CYBB: variants seen among roughly 807,000 people sequenced by gnomAD.
CYBB encodes the protein cytochrome b-245 beta chain.
A neutral mutation model predicts 46.5 loss-of-function variants in CYBB; 5 were observed. The observed-to-expected ratio is 0.11, with a 90% confidence interval of 0.06 to 0.23. The LOEUF is 0.23. Ranked by LOEUF, CYBB falls within the 10% of genes least tolerant of loss-of-function variation. CYBB has a pLI of 1.00. For missense variants in CYBB, 307 were observed against 428.3 expected (o/e 0.72, Z 2.50); for synonymous variants, 183 against 156.7 (o/e 1.17, Z -1.26).
intron 1 of CYBB, 25 bp downstream of exon 1, chrX:37,780,147 A>T: frequency 2.6e-6 from 3 of 1,166,028 alleles, no homozygotes; most frequent in Non-Finnish European, 3.5e-6. Flanking sequence ...GAGATAAGTT[A>T]TAAATTCTCT....
chrX:37,798,917 C>T lies in CYBB; in HGVS notation c.675-38C>T, dbSNP rs781879535. 1.3e-5 allele frequency: 15 copies of T among 1,166,267 alleles called. No individual in the cohort carries two copies. In the Admixed American group the frequency reaches 2.8e-4, roughly 22 times the overall value. On this transcript the variant is annotated intron_variant, in intron 6 of 12. Transcript: ENST00000378588. Reference sequence around the variant, plus strand: ...TCTTTTAATAAAACAATTTAATTTCCTATTACTAAATGATCTGGACTTACA... The same window carrying T: ...TCTTTTAATAAAACAATTTAATTTCTTATTACTAAATGATCTGGACTTACA...
chrX:37,787,280 G>A (rs1325041028), intron 3 of CYBB, among the ~76,000 whole-genome samples: 2 of 112,287 alleles, frequency 1.8e-5, no homozygotes, highest in Non-Finnish European at 3.8e-5. Context: ...GTTGGATTTT[G>A]TAATTTCTCC....
intron 12 of CYBB, among the ~76,000 whole-genome samples, chrX:37,810,236 C>T (rs1301340519): frequency 8.9e-6 from 1 of 111,905 alleles, no homozygotes; most frequent in African/African-American, 3.2e-5. Flanking sequence ...CAGACTATTG[C>T]TTTTTGCACT....
chrX:37,801,494 T>A, intron 8 of CYBB, 146 bp downstream of exon 8: 5 of 515,485 alleles, frequency 9.7e-6, no homozygotes, highest in Non-Finnish European at 1.7e-5. Flanking sequence ...AATAATCAAA[T>A]GTTTGAGCCT....
At chrX:37,806,964 T>C (rs1189220383) in intron 11 of CYBB, among the ~76,000 whole-genome samples, 7 of 110,754 alleles carry the variant, frequency 6.3e-5, no homozygotes, top group African/African-American at 2.3e-4. Context: ...CTTATGATTT[T>C]TCAACTTTAC....
chrX:37,808,873 C>T (rs1055104034), intron 11 of CYBB, among the ~76,000 whole-genome samples: 6 of 111,793 alleles, frequency 5.4e-5, no homozygotes. Context: ...ATTGGAGTGC[C>T]CACCTTTCTT....
At chrX:37,780,176 TG>T (rs782745899) in intron 1 of CYBB, 54 bp downstream of exon 1, 157 of 1,040,607 alleles carry the variant, frequency 1.5e-4, no homozygotes, top group Non-Finnish European at 2.1e-4. Flanking sequence ...GGGGTTATCT[TG>T]GAACTAAAAT....
chrX:37,803,461 G>C (rs1161137257), intron 8 of CYBB, among the ~76,000 whole-genome samples: 1 of 111,030 alleles, frequency 9.0e-6, no homozygotes, highest in Admixed American at 9.6e-5. Flanking sequence ...CCCTGGTAAA[G>C]ACTGAGAAAT....
intron 7 of CYBB, among the ~76,000 whole-genome samples, chrX:37,799,292 C>T (rs781860415): frequency 8.9e-6 from 1 of 112,067 alleles, no homozygotes; most frequent in South Asian, 3.7e-4. Context: ...CTGTTATTAA[C>T]ATCCTGATAT....
chrX:37,804,835 G>A (rs1397093500), intron 9 of CYBB, among the ~76,000 whole-genome samples, 171 bp from the exon 10 acceptor site: 4 of 111,653 alleles, frequency 3.6e-5, no homozygotes, highest in Non-Finnish European at 5.6e-5. Context: ...CAAACCCAAC[G>A]TTGGCACTAA....
chrX:37,801,586 T>TTGTGTGTGTGTGTGTGTGTGTG (rs58302662), intron 8 of CYBB, among the ~76,000 whole-genome samples: 6 of 84,584 alleles, frequency 7.1e-5, no homozygotes, highest in African/African-American at 9.5e-5. Flanking sequence ...CCCCCACCCA[T>TTGTGTGTGTGTGTGTGTGTGTG]TGTGTGTGTG....
intron 12 of CYBB, among the ~76,000 whole-genome samples, chrX:37,810,384 G>A (rs1275523252): frequency 8.9e-6 from 1 of 112,110 alleles, no homozygotes; most frequent in Non-Finnish European, 1.9e-5. Context: ...ACTTTGAACA[G>A]GGCTTCAGAC....
At chrX:37,789,506 A>G (rs868941991) in intron 3 of CYBB, among the ~76,000 whole-genome samples, 1 of 99,128 alleles carries the variant, frequency 1.0e-5, no homozygotes, top group Non-Finnish European at 2.1e-5. Context: ...AGAAAGAAAG[A>G]AAGGAAGAAA....
intron 3 of CYBB, among the ~76,000 whole-genome samples, chrX:37,788,273 AGTG>A (rs1929119105): frequency 8.9e-6 from 1 of 112,022 alleles, no homozygotes; most frequent in Non-Finnish European, 1.9e-5. Context: ...TGCAGGAGCC[AGTG>A]AATTTTCCCC....
chrX:37,810,967 A>G lies in CYBB; in HGVS notation c.*50A>G. The G allele has an allele frequency of 1.8e-6, 2 of 1,099,607 alleles. No homozygotes were observed. The highest frequency in any genetic ancestry group is 1.8e-5 in the African/African-American group (1 of 55,517). The allele number at this position is 1,099,607 out of a possible 1,213,427, so 90.6% of individuals were successfully genotyped here. A position where few individuals can be genotyped will look rare whatever the true frequency, so the allele number is the denominator to read the frequency against. ...ATGTGGGTTGTGCTGCCAAATGCTCAAATAATGCTAATTGATAATATAAAT... is the reference window on the plus strand; with the variant it reads ...ATGTGGGTTGTGCTGCCAAATGCTCGAATAATGCTAATTGATAATATAAAT... On this transcript the variant is annotated 3_prime_UTR_variant, in exon 13 of 13. Transcript: ENST00000378588.
intron 9 of CYBB, 21 bp from the exon 10 acceptor site, chrX:37,804,985 C>T (rs1556471128): frequency 8.3e-7 from 1 of 1,207,883 alleles, no homozygotes; most frequent in Admixed American, 2.2e-5. Flanking sequence ...CTGTAACTAT[C>T]TCCTCCCCAT....
In CYBB at chrX:37,806,622, A is replaced by AT. The variant is rs368761089; in HGVS notation, c.1461+95dup. ...TGGTTATTGGTGTGTCTTGTGTACTATTTTTTCTAAGTATGTTTAGTGGAT... is the reference window on the plus strand; with the variant it reads ...TGGTTATTGGTGTGTCTTGTGTACTATTTTTTTCTAAGTATGTTTAGTGGAT... On this transcript the variant is annotated intron_variant, in intron 11 of 12. Coordinates refer to ENST00000378588, the MANE Select transcript of CYBB (RefSeq NM_000397.4). 1.4e-4 allele frequency: 121 copies of AT among 892,118 alleles called. No individual in the cohort carries two copies. The African/African-American group carries it at 1.9e-3, about 14-fold the overall frequency. 73.5% of individuals were successfully genotyped at this position (892,118 alleles called of 1,213,427 possible).
chrX:37,810,317 G>A (rs1929644108), intron 12 of CYBB, among the ~76,000 whole-genome samples: 1 of 111,872 alleles, frequency 8.9e-6, no homozygotes, highest in Non-Finnish European at 1.9e-5. Flanking sequence ...TTGAGGTAGG[G>A]CCAGGTAATC....
At chrX:37,806,763 A>G (rs1161802119) in intron 11 of CYBB, among the ~76,000 whole-genome samples, 2 of 111,464 alleles carry the variant, frequency 1.8e-5, no homozygotes, top group African/African-American at 6.5e-5. Context: ...CTTTGACATT[A>G]TTAGAGCAAT....
Sources: allele counts gnomAD v4.1 joint callset (sites outside exome capture counted in the v4.1 genomes callset), GRCh38; gene constraint gnomAD v4.1.1; transcripts MANE v1.5; gene names NCBI Gene and HGNC (gene_info 2026-07-23, HGNC 2026-07-21).